MDGA2: variants seen among roughly 807,000 people sequenced by gnomAD.
MDGA2 encodes MAM domain-containing glycosylphosphatidylinositol anchor protein 2.
Under a neutral mutation model 117.8 loss-of-function variants are expected in MDGA2, and 40 were observed. The observed-to-expected ratio is 0.34, with a 90% CI of 0.26 to 0.44. MDGA2 has a LOEUF of 0.44. Ranked by LOEUF, MDGA2 falls within the 20% of genes least tolerant of loss-of-function variation. The probability of loss-of-function intolerance (pLI) is 1.00; values close to 1 mark genes in which losing one functional copy is unlikely to be tolerated. For missense variants in MDGA2, 1,123 were observed against 1,250.6 expected (o/e 0.90, Z 1.54); for synonymous variants, 452 against 439.0 (o/e 1.03, Z -0.37).
intron 14 of MDGA2, among the ~76,000 whole-genome samples, chr14:46,862,109 C>T (rs187502653): frequency 2.7e-3 from 411 of 152,014 alleles, no homozygotes; most frequent in Non-Finnish European, 4.7e-3. Flanking sequence ...TTAATCATCT[C>T]CAAGGATTTT....
intron 8 of MDGA2, among the ~76,000 whole-genome samples, chr14:46,987,288 A>C (rs923413422): frequency 6.6e-6 from 1 of 152,116 alleles, no homozygotes; most frequent in African/African-American, 2.4e-5. Context: ...CCATGTGATG[A>C]ATGAGTCCTC....
intron 1 of MDGA2, among the ~76,000 whole-genome samples, chr14:47,387,332 A>AC (rs1269360254): frequency 7.0e-6 from 1 of 142,976 alleles, no homozygotes; most frequent in East Asian, 2.3e-4. Context: ...CCCCAAACCC[A>AC]CCCCTCTATC....
intron 10 of MDGA2, among the ~76,000 whole-genome samples, chr14:46,911,075 T>A (rs1566520569): frequency 6.6e-6 from 1 of 152,044 alleles, no homozygotes; most frequent in Non-Finnish European, 1.5e-5. Flanking sequence ...GATGAAATAA[T>A]CTTCACAACA....
chr14:47,432,772 C>T (rs966364191), intron 1 of MDGA2, among the ~76,000 whole-genome samples: 1 of 152,054 alleles, frequency 6.6e-6, no homozygotes. Context: ...CAATGAATTT[C>T]TGAAGGATGA....
chr14:47,034,695 C>T (rs1213199412), intron 8 of MDGA2, among the ~76,000 whole-genome samples: 1 of 151,178 alleles, frequency 6.6e-6, no homozygotes, highest in African/African-American at 2.4e-5. Context: ...GACAGTTTCT[C>T]ACCATCAACC....
At chr14:47,068,701 G>A (rs1425866051) in intron 6 of MDGA2, among the ~76,000 whole-genome samples, 1 of 152,182 alleles carries the variant, frequency 6.6e-6, no homozygotes, top group South Asian at 2.1e-4. Flanking sequence ...AAAGACCTAG[G>A]ACTAGAAACA....
At chr14:47,320,273 T>C (rs369476172) in intron 1 of MDGA2, among the ~76,000 whole-genome samples, 3 of 152,052 alleles carry the variant, frequency 2.0e-5, no homozygotes, top group African/African-American at 7.2e-5. Context: ...TCTTAACCCA[T>C]TGGGAAGCCA....
At chr14:47,222,301 T>C (rs1886331325) in intron 2 of MDGA2, among the ~76,000 whole-genome samples, 1 of 151,854 alleles carries the variant, frequency 6.6e-6, no homozygotes. Context: ...TATTTATATA[T>C]AATAAGATTA....
chr14:47,160,678 A>T (rs1348428994), intron 3 of MDGA2, among the ~76,000 whole-genome samples: 1 of 152,214 alleles, frequency 6.6e-6, no homozygotes, highest in Admixed American at 6.5e-5. Context: ...ATAAATGAAT[A>T]AATAAATAAA....
At chr14:47,059,348 T>A (rs10144183) in intron 7 of MDGA2, 838,876 of 1,261,222 alleles carry the variant, frequency 0.67, 282,301 homozygotes, top group Admixed American at 0.78. Context: ...TTGGAAGAAG[T>A]CAATATATTT....
intron 2 of MDGA2, among the ~76,000 whole-genome samples, chr14:47,223,156 C>T (rs1039390237): frequency 6.6e-6 from 1 of 152,090 alleles, no homozygotes; most frequent in Non-Finnish European, 1.5e-5. Context: ...TGGGAAAGAT[C>T]GGATCCCATG....
chr14:47,600,914 A>G (rs1896635855), intron 1 of MDGA2, among the ~76,000 whole-genome samples: 1 of 152,186 alleles, frequency 6.6e-6, no homozygotes, highest in African/African-American at 2.4e-5. Context: ...ATTTAGTGAT[A>G]CCAAAATTGT....
At chr14:47,267,804 T>C (rs1485689500) in intron 2 of MDGA2, among the ~76,000 whole-genome samples, 1 of 152,188 alleles carries the variant, frequency 6.6e-6, no homozygotes, top group Non-Finnish European at 1.5e-5. Context: ...TGATTAATAA[T>C]TTGATTTATT....
intron 10 of MDGA2, among the ~76,000 whole-genome samples, chr14:46,906,903 A>G (rs1883514861): frequency 6.6e-6 from 1 of 151,960 alleles, no homozygotes; most frequent in Admixed American, 6.6e-5. Flanking sequence ...GCCAATACAT[A>G]GATTAATTAC....
intron 3 of MDGA2, among the ~76,000 whole-genome samples, chr14:47,157,281 G>C (rs1275227743): frequency 6.6e-6 from 1 of 152,138 alleles, no homozygotes; most frequent in Non-Finnish European, 1.5e-5. Flanking sequence ...TTCTAAGAAT[G>C]TGGCTATCTA....
At chr14:47,090,546 T>C (rs1017951379) in intron 6 of MDGA2, among the ~76,000 whole-genome samples, 2 of 152,146 alleles carry the variant, frequency 1.3e-5, no homozygotes, top group Non-Finnish European at 2.9e-5. Flanking sequence ...GTGAAGAATA[T>C]AGTTTATGAG....
chr14:46,969,193 A>G (rs1267972492), intron 8 of MDGA2, among the ~76,000 whole-genome samples: 2 of 152,150 alleles, frequency 1.3e-5, no homozygotes, highest in Non-Finnish European at 2.9e-5. Context: ...TATTGTGACT[A>G]TTGCCGCAAT....
At chr14:47,223,986 C>T (rs1266532888) in intron 2 of MDGA2, among the ~76,000 whole-genome samples, 3 of 152,024 alleles carry the variant, frequency 2.0e-5, no homozygotes, top group Non-Finnish European at 4.4e-5. Flanking sequence ...GGTAACCACC[C>T]CCATGATTCA....
At chr14:47,191,037 A>T (rs1198835203) in intron 3 of MDGA2, among the ~76,000 whole-genome samples, 10 of 152,084 alleles carry the variant, frequency 6.6e-5, no homozygotes, top group Middle Eastern at 3.2e-3. Flanking sequence ...TTCTTATATT[A>T]GATTTAGGGA....
Sources: allele counts gnomAD v4.1 joint callset (sites outside exome capture counted in the v4.1 genomes callset), GRCh38; gene constraint gnomAD v4.1.1; transcripts MANE v1.5; gene names NCBI Gene and HGNC (gene_info 2026-07-23, HGNC 2026-07-21).